The following CSMD1 variants were observed in gnomAD, a reference collection of about 807,000 sequenced individuals.
The protein encoded by CSMD1 is CUB and sushi domain-containing protein 1.
CSMD1 carries 213 observed loss-of-function variants against 417.5 expected under a neutral mutation model. The observed-to-expected ratio is 0.51, with a 90% CI of 0.46 to 0.57. The LOEUF is 0.57. Among genes scored for constraint, CSMD1 ranks in the 20% least tolerant of loss-of-function variants. The probability of loss-of-function intolerance (pLI) is 0.00; values close to 1 mark genes in which losing one functional copy is unlikely to be tolerated. For missense variants in CSMD1, 6,923 were observed against 4,529.7 expected (o/e 1.53, Z -15.17); for synonymous variants, 2,862 against 1,736.8 (o/e 1.65, Z -16.11).
chr8:3,416,501 T>C (rs1813160966), intron 12 of CSMD1, among the ~76,000 whole-genome samples: 1 of 152,122 alleles, frequency 6.6e-6, no homozygotes, highest in South Asian at 2.1e-4. Flanking sequence ...GGTGTATACT[T>C]GAATTTCAAA....
intron 1 of CSMD1, among the ~76,000 whole-genome samples, chr8:4,931,814 C>T (rs1388372895): frequency 1.3e-5 from 2 of 152,116 alleles, no homozygotes; most frequent in African/African-American, 4.8e-5. Flanking sequence ...AACATTTTAG[C>T]TTGTTAAGAG....
intron 4 of CSMD1, among the ~76,000 whole-genome samples, chr8:4,028,726 T>A (rs773563133): frequency 6.6e-5 from 10 of 152,182 alleles, no homozygotes; most frequent in Non-Finnish European, 5.9e-5. Flanking sequence ...TTTAAATGAG[T>A]GTTAATAATT....
intron 5 of CSMD1, among the ~76,000 whole-genome samples, chr8:3,775,822 C>T (rs1232075316): frequency 6.6e-6 from 1 of 152,212 alleles, no homozygotes; most frequent in East Asian, 1.9e-4. Context: ...GGGTCCATTG[C>T]TTTCCGCCAA....
intron 7 of CSMD1, among the ~76,000 whole-genome samples, chr8:3,695,112 G>T (rs1450643371): frequency 6.6e-6 from 1 of 151,852 alleles, no homozygotes; most frequent in Non-Finnish European, 1.5e-5. Flanking sequence ...GTGTGTGTGT[G>T]TGTGGTTATT....
intron 19 of CSMD1, among the ~76,000 whole-genome samples, chr8:3,367,533 A>T (rs1335314429): frequency 6.6e-6 from 1 of 152,200 alleles, no homozygotes. Flanking sequence ...ACTTAGACAC[A>T]TCAAGCCTTA....
At chr8:3,645,730 C>T (rs559702607) in intron 7 of CSMD1, among the ~76,000 whole-genome samples, 121 of 152,282 alleles carry the variant, frequency 7.9e-4, no homozygotes, top group Non-Finnish European at 1.4e-3. Context: ...ATGGAAGCTG[C>T]TGGCATCTGG....
chr8:4,717,960 A>T (rs1308051421), intron 1 of CSMD1, among the ~76,000 whole-genome samples: 1 of 152,124 alleles, frequency 6.6e-6, no homozygotes, highest in African/African-American at 2.4e-5. Flanking sequence ...AAGTTTATAA[A>T]ATCTATCAAA....
chr8:3,613,550 AC>A (rs1307990871), intron 8 of CSMD1, among the ~76,000 whole-genome samples: 49 of 152,254 alleles, frequency 3.2e-4, no homozygotes, highest in Non-Finnish European at 4.0e-4. Flanking sequence ...AAAGAAAAAA[AC>A]ATCATTACAA....
At chr8:3,365,872 T>G (rs1016846503) in intron 20 of CSMD1, among the ~76,000 whole-genome samples, 5 of 152,232 alleles carry the variant, frequency 3.3e-5, no homozygotes, top group Admixed American at 3.3e-4. Context: ...ATCTTACTTA[T>G]GAGTAACTCA....
intron 3 of CSMD1, among the ~76,000 whole-genome samples, chr8:4,163,823 C>G (rs1241157069): frequency 6.6e-6 from 1 of 152,118 alleles, no homozygotes; most frequent in African/African-American, 2.4e-5. Context: ...TACACCTATA[C>G]CCCTTCATCA....
chr8:3,287,710 G>C (rs962038043), intron 25 of CSMD1, among the ~76,000 whole-genome samples: 1 of 152,096 alleles, frequency 6.6e-6, no homozygotes, highest in Non-Finnish European at 1.5e-5. Flanking sequence ...GGGCTGAGAC[G>C]ATGGGGTTTT....
intron 7 of CSMD1, among the ~76,000 whole-genome samples, chr8:3,677,935 A>G (rs1799463501): frequency 6.6e-6 from 1 of 152,156 alleles, no homozygotes; most frequent in African/African-American, 2.4e-5. Context: ...AGACAAAATA[A>G]GACAGGAATG....
intron 5 of CSMD1, among the ~76,000 whole-genome samples, chr8:3,922,120 A>G (rs1809319207): frequency 7.0e-6 from 1 of 143,260 alleles, no homozygotes. Flanking sequence ...CTTTATCATT[A>G]TATTATGACA....
chr8:3,255,022 A>T (rs938771910), intron 26 of CSMD1, among the ~76,000 whole-genome samples: 1 of 151,956 alleles, frequency 6.6e-6, no homozygotes, highest in African/African-American at 2.4e-5. Flanking sequence ...TTGGTCTTTG[A>T]TGATGGTGAT....
chr8:3,095,236 T>A (rs1815215172), intron 47 of CSMD1, among the ~76,000 whole-genome samples: 1 of 152,186 alleles, frequency 6.6e-6, no homozygotes, highest in Non-Finnish European at 1.5e-5. Context: ...TGTCTATATA[T>A]ACACAAACAC....
intron 5 of CSMD1, among the ~76,000 whole-genome samples, chr8:3,914,229 C>A (rs977700348): frequency 1.3e-5 from 2 of 151,976 alleles, no homozygotes; most frequent in African/African-American, 4.8e-5. Context: ...TGCAAAAGGG[C>A]TAGAATAGAG....
chr8:4,005,585 A>G (rs1027795076), intron 4 of CSMD1, among the ~76,000 whole-genome samples: 12 of 152,186 alleles, frequency 7.9e-5, no homozygotes, highest in Admixed American at 4.6e-4. Flanking sequence ...GACGTTCCAC[A>G]TGGTATTATA....
At chr8:3,747,078 T>G (rs140433578) in intron 6 of CSMD1, among the ~76,000 whole-genome samples, 823 of 152,300 alleles carry the variant, frequency 5.4e-3, no homozygotes, top group Middle Eastern at 0.01. Context: ...TGATGTTAAG[T>G]AGTGGGAGCA....
intron 2 of CSMD1, among the ~76,000 whole-genome samples, chr8:4,446,859 G>C (rs757648320): frequency 1.3e-5 from 2 of 151,084 alleles, no homozygotes; most frequent in Non-Finnish European, 2.9e-5. Context: ...CTGACCTTGT[G>C]ATCCACCCGC....
Sources: gnomAD v4.1 joint callset for allele counts (sites outside exome capture counted in the v4.1 genomes callset) on GRCh38, gnomAD v4.1.1 for gene constraint, MANE v1.5 for transcripts, NCBI Gene and HGNC (gene_info 2026-07-23, HGNC 2026-07-21) for gene names.